Variants in CUBN observed in about 807,000 individuals in gnomAD.
CUBN encodes cubilin.
Under a neutral mutation model 405.3 loss-of-function variants are expected in CUBN, and 282 were observed. The observed-to-expected ratio is 0.70, with a 90% CI of 0.63 to 0.77. The LOEUF is 0.77. Ranked by LOEUF, CUBN falls within the 30% of genes least tolerant of loss-of-function variation. The probability of loss-of-function intolerance (pLI) is 0.00; values close to 1 mark genes in which losing one functional copy is unlikely to be tolerated. For synonymous variants in CUBN, 1,684 were observed against 1,617.0 expected, an observed-to-expected ratio of 1.04 and a Z score of -0.99; for missense variants, 4,514 against 4,475.2, an observed-to-expected ratio of 1.01 and a Z score of -0.25.
intron 22 of CUBN, among the ~76,000 whole-genome samples, chr10:17,052,701 A>C (rs1835297370): frequency 7.8e-6 from 1 of 128,712 alleles, no homozygotes; most frequent in African/African-American, 2.8e-5. Flanking sequence ...TGGAGGTTGC[A>C]GTGAGCTGGG....
In CUBN at chr10:16,907,721, T is replaced by A; in HGVS notation, c.7534-42A>T. 4 of 1,596,098 alleles carry A rather than the reference T, an allele frequency of 2.5e-6. No homozygotes were observed. The South Asian group carries it at 4.4e-5, about 18-fold the overall frequency. On this transcript the variant is annotated intron_variant, in intron 48 of 66. Coordinates refer to ENST00000377833, the MANE Select transcript of CUBN (RefSeq NM_001081.4). Reference sequence around the variant, plus strand: ...TTAACCTTCAGGCACACAATCCATCTTACTGCATATTTCCTAGGAGGTGAT... The same window carrying A: ...TTAACCTTCAGGCACACAATCCATCATACTGCATATTTCCTAGGAGGTGAT...
chr10:16,947,984 G>A (rs1283652822), intron 35 of CUBN, among the ~76,000 whole-genome samples: 1 of 152,232 alleles, frequency 6.6e-6, no homozygotes, highest in Admixed American at 6.5e-5. Flanking sequence ...GCCGAGGCTG[G>A]TGGATCACGA....
intron 56 of CUBN, among the ~76,000 whole-genome samples, chr10:16,888,018 A>G (rs969496639): frequency 1.1e-4 from 16 of 152,222 alleles, no homozygotes; most frequent in African/African-American, 3.4e-4. Context: ...TGTGGAATCT[A>G]AAAATGTCGA....
At chr10:17,093,925 G>C (rs1410177156) in intron 14 of CUBN, among the ~76,000 whole-genome samples, 1 of 152,022 alleles carries the variant, frequency 6.6e-6, no homozygotes, top group African/African-American at 2.4e-5. Context: ...ATTAGAAACA[G>C]TCAAAACCTT....
At chr10:16,920,952 C>T (rs2131469237) in intron 43 of CUBN, among the ~76,000 whole-genome samples, 1 of 152,314 alleles carries the variant, frequency 6.6e-6, no homozygotes, top group Admixed American at 6.5e-5. Flanking sequence ...CTCTGAAACT[C>T]TAAATTGCAA....
chr10:16,949,476 GTT>G (rs1265883072), intron 34 of CUBN, among the ~76,000 whole-genome samples: 3 of 149,228 alleles, frequency 2.0e-5, no homozygotes, highest in African/African-American at 4.9e-5. Context: ...GTGTGTGTGT[GTT>G]TGTTTGTTTT....
intron 10 of CUBN, among the ~76,000 whole-genome samples, chr10:17,107,223 A>G (rs898593113): frequency 6.6e-6 from 1 of 152,212 alleles, no homozygotes; most frequent in African/African-American, 2.4e-5. Flanking sequence ...TAGACATTAC[A>G]AAATTTTACT....
Position 17,068,778 on chromosome 10 carries a change from T to C in CUBN, c.2626-8A>G, listed in dbSNP as rs1835670839. On this transcript the variant is annotated splice_polypyrimidine_tract_variant and splice_region_variant and intron_variant, in intron 19 of 66. Transcript: ENST00000377833. ...AATGGAACTGCTACCAATCTAAAATTAGAGAAGATATGTTCAAATATGTTG... is the reference window on the plus strand; with the variant it reads ...AATGGAACTGCTACCAATCTAAAATCAGAGAAGATATGTTCAAATATGTTG... 2.5e-6 allele frequency: 4 copies of C among 1,601,866 alleles called. No homozygotes were observed. The highest frequency in any genetic ancestry group is 3.4e-6 in the Non-Finnish European group (4 of 1,169,606).
chr10:17,097,005 T>C (rs780602998), intron 14 of CUBN, among the ~76,000 whole-genome samples: 1 of 152,102 alleles, frequency 6.6e-6, no homozygotes, highest in Admixed American at 6.6e-5. Context: ...TTCAAACTCA[T>C]TTGTCAATGC....
chr10:16,976,803 C>G (rs1345559189), intron 31 of CUBN, among the ~76,000 whole-genome samples: 8 of 152,088 alleles, frequency 5.3e-5, no homozygotes, highest in Non-Finnish European at 8.8e-5. Context: ...TTCACTGTTT[C>G]TCTGTAGTCA....
chr10:16,906,098 A>G, intron 50 of CUBN, 105 bp downstream of exon 50: 1 of 926,126 alleles, frequency 1.1e-6, no homozygotes, highest in East Asian at 2.6e-5. Context: ...CGGGCAAGAG[A>G]GCAAGCTCCT....
rs888453315 is a variant in CUBN, at chr10:16,961,430, A to G, written c.4696-6882T>C. On this transcript the variant is annotated intron_variant, in intron 31 of 66. Coordinates refer to ENST00000377833, the MANE Select transcript of CUBN (RefSeq NM_001081.4). ...TTGCATAAATGTCCATCATTTCTAA[A>G]GTTAACATGTGTTCAACTTTGTCAC... Among the ~76,000 whole-genome samples the G allele has an allele frequency of 1.1e-4, 17 of 152,312 alleles. 5 individuals are homozygous for G. The highest frequency in any genetic ancestry group is 2.0e-4 in the Admixed American group (3 of 15,304).
chr10:16,862,350 T>A (rs1022201384), intron 59 of CUBN, among the ~76,000 whole-genome samples: 1 of 152,126 alleles, frequency 6.6e-6, no homozygotes, highest in Admixed American at 6.5e-5. Flanking sequence ...TCTCTTAAAT[T>A]TTTCTTTCTT....
At chr10:17,104,247 T>C (rs1836565913) in intron 12 of CUBN, among the ~76,000 whole-genome samples, 172 bp downstream of exon 12, 1 of 152,252 alleles carries the variant, frequency 6.6e-6, no homozygotes, top group African/African-American at 2.4e-5. Flanking sequence ...GTGAGATTTA[T>C]AAATATTTAG....
Position 16,950,013 on chromosome 10 carries a change from C to G in CUBN, c.5068G>C (p.Ala1690Pro). ...AACGCTGAGGTACCTCGGAGGGGCGCGTCTTCGTGGCCGCCATCCAAAATT... is the reference window on the plus strand; with the variant it reads ...AACGCTGAGGTACCTCGGAGGGGCGGGTCTTCGTGGCCGCCATCCAAAATT... Reference protein sequence around the residue: ...VEILDGGHEDAPLRGRYCGTD... With the variant: ...VEILDGGHEDPPLRGRYCGTD... Residue 1690 changes from alanine (A) to proline (P), a missense_variant, in exon 34 of 67, where the codon GCG becomes CCG. By Grantham distance (27) the Ala-to-Pro change is conservative. Around this residue, in one of 5 missense-constraint regions of CUBN, gnomAD observed 1,613 missense variants for 1,542.8 expected, o/e 1.05. Coordinates refer to ENST00000377833, the MANE Select transcript of CUBN (RefSeq NM_001081.4). The G allele has an allele frequency of 6.2e-7, 1 of 1,613,324 alleles. No homozygotes were observed. The highest frequency in any genetic ancestry group is 8.5e-7 in the Non-Finnish European group (1 of 1,179,520).
At chr10:16,876,323 G>A (rs1314659589) in intron 57 of CUBN, among the ~76,000 whole-genome samples, 6 of 152,176 alleles carry the variant, frequency 3.9e-5, no homozygotes, top group African/African-American at 1.2e-4. Context: ...AATTTTCTGG[G>A]TAGCAACAAA....
At position 16,833,302 on chromosome 10, in the gene CUBN, C is replaced by T. The variant is rs115659585; in HGVS notation, c.10362+1712G>A. Among the ~76,000 whole-genome samples the T allele has an allele frequency of 2.1e-3, 320 of 152,264 alleles. 3 individuals carry two copies. Among genetic ancestry groups the T allele is most frequent in the African/African-American group, 7.0e-3 (292 of 41,544 alleles). On this transcript the variant is annotated intron_variant, in intron 64 of 66. Coordinates refer to ENST00000377833, the MANE Select transcript of CUBN (RefSeq NM_001081.4). ...ACAGGTCCAAGTTGAATAACCTGAC[C>T]GGCACAAAGAATAACTGTATTTGCC...
intron 59 of CUBN, among the ~76,000 whole-genome samples, chr10:16,862,088 G>A (rs1840029877): frequency 6.6e-6 from 1 of 151,766 alleles, no homozygotes; most frequent in Non-Finnish European, 1.5e-5. Context: ...GAAGGAGGTT[G>A]CAGTGAGCGG....
chr10:16,987,328 T>G (rs956187950), intron 29 of CUBN, among the ~76,000 whole-genome samples: 15 of 152,172 alleles, frequency 9.9e-5, no homozygotes, highest in Admixed American at 2.6e-4. Context: ...TGACTAAACT[T>G]TGGGGGAAAA....
Sources: allele counts gnomAD v4.1 joint callset (sites outside exome capture counted in the v4.1 genomes callset), GRCh38; gene constraint gnomAD v4.1.1; regional missense constraint gnomAD v4.1.1; transcripts MANE v1.5; gene names NCBI Gene and HGNC (gene_info 2026-07-23, HGNC 2026-07-21).